The following CCDC181 variants were observed in gnomAD, a reference collection of about 807,000 sequenced individuals.
The protein encoded by CCDC181 is coiled-coil domain containing 181.
A neutral mutation model predicts 58.7 loss-of-function variants in CCDC181; 35 were observed. That is an observed-to-expected ratio of 0.60 (90% CI 0.46 to 0.79). CCDC181 has a LOEUF of 0.79. Among genes scored for constraint, CCDC181 ranks in the 30% least tolerant of loss-of-function variants. The pLI is 0.00. For synonymous variants in CCDC181, 183 were observed against 197.5 expected, an observed-to-expected ratio of 0.93 and a Z score of 0.62; for missense variants, 517 against 583.9, an observed-to-expected ratio of 0.89 and a Z score of 1.18.
At chr1:169,457,575 T>C in intron 2 of CCDC181, among the ~76,000 whole-genome samples, 1 of 152,152 alleles carries the variant, frequency 6.6e-6, no homozygotes, top group Non-Finnish European at 1.5e-5. Flanking sequence ...GCATACAGTA[T>C]ATCATTTCAC....
chr1:169,427,411 C>T lies in CCDC181; in HGVS notation c.-147G>A, dbSNP rs770087431. On this transcript the variant is annotated 5_prime_UTR_variant, in exon 1 of 6. The change creates a premature stop within an existing upstream ORF in the 5' untranslated region. Transcript: ENST00000367806. ...GCACCTGCCTCCGCGGCAGCCAGGACCACACTGCCATGGCAACAGCGTGCC... is the reference window on the plus strand; with the variant it reads ...GCACCTGCCTCCGCGGCAGCCAGGATCACACTGCCATGGCAACAGCGTGCC... The T allele has an allele frequency of 6.6e-6, 1 of 152,442 alleles. No individual in the cohort carries two copies. Among genetic ancestry groups the T allele is most frequent in the African/African-American group, 2.4e-5 (1 of 41,472 alleles). 9.4% of individuals were successfully genotyped at this position (152,442 alleles called of 1,614,324 possible). A position where few individuals can be genotyped will look rare whatever the true frequency, so the allele number is the denominator to read the frequency against.
At chr1:169,419,265 C>G (rs1656357714) in intron 3 of CCDC181, 106 bp from the exon 4 acceptor site, 1 of 1,320,978 alleles carries the variant, frequency 7.6e-7, no homozygotes, top group Non-Finnish European at 1.0e-6. Flanking sequence ...TTCCCTGACC[C>G]TAAAACTTTC....
chr1:169,397,211 G>C, intron 5 of CCDC181, 26 bp downstream of exon 5: 1 of 1,499,706 alleles, frequency 6.7e-7, no homozygotes, highest in Non-Finnish European at 8.9e-7. Context: ...AAGGAGGAGG[G>C]GGGAAATGCC....
intron 2 of CCDC181, among the ~76,000 whole-genome samples, chr1:169,453,159 A>G (rs1657592401): frequency 6.6e-6 from 1 of 152,100 alleles, no homozygotes; most frequent in African/African-American, 2.4e-5. Flanking sequence ...TTCCTACTAT[A>G]TCCAAGAACA....
rs759006065 is a variant in CCDC181 at position 169,395,131 on chromosome 1, T to C, written c.1446A>G (p.Leu482=). 1 of 1,613,760 alleles carries C rather than the reference T, an allele frequency of 6.2e-7. No homozygotes were observed. Among genetic ancestry groups the C allele is most frequent in the South Asian group, 1.1e-5 (1 of 91,006 alleles). ...AVRERTRQLR[L]EAKRSKQLQH... ...GTAACTGTTTAGAACGCTTAGCTTC[T>C]AGTCGGAGCTGTCTAGTTCTCTCTC... Residue 482 remains leucine, a synonymous_variant, in exon 6 of 6, where the codon CTA becomes CTG. Transcript: ENST00000367806.
chr1:169,414,816 C>A (rs1656138751), intron 4 of CCDC181, among the ~76,000 whole-genome samples: 1 of 152,102 alleles, frequency 6.6e-6, no homozygotes, highest in African/African-American at 2.4e-5. Context: ...CTTATTATAG[C>A]AATGTATTAA....
At chr1:169,441,637 T>C (rs541542948) in intron 2 of CCDC181, among the ~76,000 whole-genome samples, 1 of 152,112 alleles carries the variant, frequency 6.6e-6, no homozygotes, top group African/African-American at 2.4e-5. Flanking sequence ...AACAGGGTGA[T>C]TTAGCAAGAA....
At chr1:169,444,115 T>C (rs75972391) in intron 2 of CCDC181, among the ~76,000 whole-genome samples, 2,239 of 152,264 alleles carry the variant, frequency 0.015, 59 homozygotes, top group African/African-American at 0.051. Flanking sequence ...TTGCTCAGTT[T>C]CTGAAGATAC....
intron 4 of CCDC181, among the ~76,000 whole-genome samples, chr1:169,401,145 G>T (rs1022174011): frequency 3.9e-5 from 6 of 152,234 alleles, no homozygotes; most frequent in African/African-American, 1.4e-4. Flanking sequence ...AAACAAAGCA[G>T]CTGGGAAGCT....
intron 4 of CCDC181, among the ~76,000 whole-genome samples, chr1:169,402,949 G>A (rs1655435652): frequency 6.6e-6 from 1 of 151,580 alleles, no homozygotes; most frequent in South Asian, 2.1e-4. Context: ...ATAAAGGGAA[G>A]GAGGAAGATC....
chr1:169,427,281 C>G lies in CCDC181; in HGVS notation c.-24+7G>C, dbSNP rs1240030096. 2.0e-5 allele frequency: 3 copies of G among 152,612 alleles called. No individual in the cohort carries two copies. Among genetic ancestry groups the G allele is most frequent in the Non-Finnish European group, 4.4e-5 (3 of 68,390 alleles). 9.5% of individuals were successfully genotyped at this position (152,612 alleles called of 1,614,324 possible). On this transcript the variant is annotated splice_region_variant and intron_variant, in intron 1 of 5. Transcript: ENST00000367806. Reference sequence around the variant, plus strand: ...CCTTCCCTTCTCTCCCTCTATATCCCTCTTGCCTGTGTAAAATGCGGCGGC... The same window carrying G: ...CCTTCCCTTCTCTCCCTCTATATCCGTCTTGCCTGTGTAAAATGCGGCGGC...
At chr1:169,442,349 GC>G (rs1456007625) in intron 2 of CCDC181, among the ~76,000 whole-genome samples, 1 of 151,316 alleles carries the variant, frequency 6.6e-6, no homozygotes, top group Non-Finnish European at 1.5e-5. Flanking sequence ...GAACCCAGTT[GC>G]AAAAAAAAAG....
At position 169,408,079 on chromosome 1, in the gene CCDC181, C is replaced by G. The variant is rs545161673; in HGVS notation, c.1216-10688G>C. 2.0e-3 allele frequency among the ~76,000 whole-genome samples: 299 copies of G among 152,304 alleles called. 4 individuals carry two copies. Among genetic ancestry groups the G allele is most frequent in the African/African-American group, 7.0e-3 (290 of 41,566 alleles). On this transcript the variant is annotated intron_variant, in intron 4 of 5. Transcript: ENST00000367806. Reference sequence around the variant, plus strand: ...TGCCAGTGAGAGAGAACCATTCACTCCCCTGGAAAGGGGGCTAAAGCCAGG... The same window carrying G: ...TGCCAGTGAGAGAGAACCATTCACTGCCCTGGAAAGGGGGCTAAAGCCAGG...
chr1:169,429,553 A>T (rs981549823), upstream of CCDC181, among the ~76,000 whole-genome samples: 4 of 152,174 alleles, frequency 2.6e-5, no homozygotes, highest in African/African-American at 9.7e-5. Context: ...CCTGATCATT[A>T]GTGATGTTGA....
At chr1:169,425,241 T>G (rs1372561002) in intron 1 of CCDC181, among the ~76,000 whole-genome samples, 2 of 152,132 alleles carry the variant, frequency 1.3e-5, no homozygotes, top group African/African-American at 4.8e-5. Context: ...ACTTTAGGTA[T>G]GCTGAATTAA....
chr1:169,407,673 C>A (rs1655737463), intron 4 of CCDC181, among the ~76,000 whole-genome samples: 1 of 152,198 alleles, frequency 6.6e-6, no homozygotes, highest in Non-Finnish European at 1.5e-5. Context: ...CAATCTGCAG[C>A]TCCCAGTGAG....
chr1:169,450,546 C>A (rs1197115829), intron 2 of CCDC181, among the ~76,000 whole-genome samples: 4 of 152,162 alleles, frequency 2.6e-5, no homozygotes, highest in Admixed American at 2.6e-4. Flanking sequence ...TTTTATTTAT[C>A]TACTCAGTAG....
intron 2 of CCDC181, among the ~76,000 whole-genome samples, chr1:169,438,519 T>C (rs566768697): frequency 6.6e-6 from 1 of 152,326 alleles, no homozygotes; most frequent in South Asian, 2.1e-4. Context: ...TGCTGCCCAA[T>C]GGTCTGCATG....
At chr1:169,412,862 C>T (rs1656041518) in intron 4 of CCDC181, among the ~76,000 whole-genome samples, 1 of 152,160 alleles carries the variant, frequency 6.6e-6, no homozygotes, top group Non-Finnish European at 1.5e-5. Context: ...ACATCTTATA[C>T]AAAAATTAAC....
Sources: allele counts gnomAD v4.1 joint callset (sites outside exome capture counted in the v4.1 genomes callset), GRCh38; gene constraint gnomAD v4.1.1; transcripts MANE v1.5; gene names NCBI Gene and HGNC (gene_info 2026-07-23, HGNC 2026-07-21).